The following THRB variants were observed in gnomAD, a reference collection of about 807,000 sequenced individuals.
THRB encodes the protein thyroid hormone receptor beta, also known as nuclear receptor subfamily 1 group A member 2.
A neutral mutation model predicts 47.8 loss-of-function variants in THRB; 12 were observed. The observed-to-expected ratio is 0.25, with a 90% CI of 0.16 to 0.41. THRB has a LOEUF of 0.41. Ranked by LOEUF, THRB falls within the 10% of genes least tolerant of loss-of-function variation. THRB has a pLI of 1.00. For synonymous variants in THRB, 218 were observed against 212.2 expected (o/e 1.03, Z -0.24); for missense variants, 348 against 589.2 (o/e 0.59, Z 4.24).
At chr3:24,388,286 T>C (rs886858061) in intron 1 of THRB, among the ~76,000 whole-genome samples, 1 of 152,156 alleles carries the variant, frequency 6.6e-6, no homozygotes, top group African/African-American at 2.4e-5. Context: ...AGACATTTAC[T>C]GAGACTCCAT....
intron 4 of THRB, among the ~76,000 whole-genome samples, chr3:24,208,041 A>G (rs2045588842): frequency 6.6e-6 from 1 of 152,156 alleles, no homozygotes; most frequent in Non-Finnish European, 1.5e-5. Context: ...AAGCATTCCT[A>G]TACACCAATA....
chr3:24,479,120 A>G (rs2125849808), intron 1 of THRB, among the ~76,000 whole-genome samples: 1 of 152,202 alleles, frequency 6.6e-6, no homozygotes, highest in South Asian at 2.1e-4. Flanking sequence ...AACACGGTGA[A>G]ACCCCGTCTC....
chr3:24,395,970 A>G (rs1211150509), intron 1 of THRB, among the ~76,000 whole-genome samples: 2 of 152,122 alleles, frequency 1.3e-5, no homozygotes, highest in Non-Finnish European at 2.9e-5. Flanking sequence ...GTAGATAAGT[A>G]GTTGCCTAGA....
At chr3:24,144,431 A>T (rs551611074) in intron 7 of THRB, 1 of 152,740 alleles carries the variant, frequency 6.5e-6, no homozygotes, top group East Asian at 1.9e-4. Flanking sequence ...CAAGTTCCTT[A>T]GGTTCTCTGA....
intron 4 of THRB, among the ~76,000 whole-genome samples, chr3:24,191,114 G>GGTCT (rs1482699646): frequency 6.6e-6 from 1 of 151,432 alleles, no homozygotes; most frequent in Non-Finnish European, 1.5e-5. Flanking sequence ...GGGACTTGAG[G>GGTCT]GTCTGGCCTA....
intron 3 of THRB, among the ~76,000 whole-genome samples, chr3:24,244,514 TA>T (rs2049911081): frequency 6.6e-6 from 1 of 152,190 alleles, no homozygotes; most frequent in African/African-American, 2.4e-5. Context: ...TTATTTGGAT[TA>T]AATGGCTTTC....
chr3:24,348,238 A>C (rs1029171951), intron 1 of THRB, among the ~76,000 whole-genome samples: 1 of 152,158 alleles, frequency 6.6e-6, no homozygotes, highest in African/African-American at 2.4e-5. Flanking sequence ...CTGGTCCTTT[A>C]AACGGATGCA....
At chr3:24,284,038 C>T (rs1095481) in intron 3 of THRB, among the ~76,000 whole-genome samples, 59,039 of 110,916 alleles carry the variant, frequency 0.53, 17,166 homozygotes, top group Middle Eastern at 0.78. Context: ...GCCATCCCCA[C>T]CAAGCTACCA....
intron 2 of THRB, among the ~76,000 whole-genome samples, chr3:24,306,306 T>G (rs952659589): frequency 1.3e-5 from 2 of 152,162 alleles, no homozygotes; most frequent in Admixed American, 1.3e-4. Context: ...AGCTCAGATT[T>G]CCTTGCTTCA....
intron 3 of THRB, among the ~76,000 whole-genome samples, chr3:24,238,290 G>C (rs75981189): frequency 0.029 from 3,532 of 123,856 alleles, 325 homozygotes; most frequent in African/African-American, 0.1. Context: ...GGGGGGGGGG[G>C]GGTGTGTGGG....
intron 9 of THRB, among the ~76,000 whole-genome samples, chr3:24,132,201 C>G (rs1408733094): frequency 2.6e-5 from 4 of 152,176 alleles, no homozygotes; most frequent in Admixed American, 1.3e-4. Flanking sequence ...ACTTATCACT[C>G]AGCCTGCTTA....
intron 1 of THRB, among the ~76,000 whole-genome samples, chr3:24,474,693 A>G (rs550408804): frequency 6.6e-5 from 10 of 152,304 alleles, no homozygotes; most frequent in African/African-American, 2.4e-4. Context: ...TTCATTTAAA[A>G]ACAAATCCTC....
chr3:24,331,142 C>G (rs2061902326), intron 2 of THRB, among the ~76,000 whole-genome samples: 1 of 152,000 alleles, frequency 6.6e-6, no homozygotes, highest in Non-Finnish European at 1.5e-5. Flanking sequence ...TACCTGCTGT[C>G]TTATGGCTTA....
At chr3:24,383,185 T>A (rs994946119) in intron 1 of THRB, among the ~76,000 whole-genome samples, 46 of 152,306 alleles carry the variant, frequency 3.0e-4, no homozygotes, top group African/African-American at 9.4e-4. Context: ...TTTTGCTTAA[T>A]ATTGAATCTT....
chr3:24,304,075 G>A (rs1311281126), intron 2 of THRB, among the ~76,000 whole-genome samples: 1 of 151,854 alleles, frequency 6.6e-6, no homozygotes, highest in Non-Finnish European at 1.5e-5. Flanking sequence ...TTCTTGGTCA[G>A]ATTTTAGAAT....
intron 1 of THRB, among the ~76,000 whole-genome samples, chr3:24,366,488 T>C (rs565531395): frequency 1.3e-5 from 2 of 152,262 alleles, no homozygotes; most frequent in East Asian, 3.9e-4. Flanking sequence ...AACCTATCAG[T>C]CTCTCTACTT....
At chr3:24,250,431 T>C (rs904461362) in intron 3 of THRB, among the ~76,000 whole-genome samples, 19 of 152,166 alleles carry the variant, frequency 1.2e-4, no homozygotes, top group African/African-American at 4.6e-4. Flanking sequence ...GCATGGTAAC[T>C]CATGCCTGTA....
chr3:24,237,210 T>TTGGAG (rs2048964017), intron 3 of THRB, among the ~76,000 whole-genome samples: 1 of 152,186 alleles, frequency 6.6e-6, no homozygotes, highest in African/African-American at 2.4e-5. Flanking sequence ...ATTTCTCCAC[T>TTGGAG]GGGTATGGCA....
chr3:24,472,766 C>T (rs933345772), intron 1 of THRB, among the ~76,000 whole-genome samples: 22 of 152,212 alleles, frequency 1.4e-4, no homozygotes, highest in African/African-American at 3.1e-4. Flanking sequence ...CCTTCTCTCA[C>T]AGACAGGTTT....
Sources: gnomAD v4.1 joint callset for allele counts (sites outside exome capture counted in the v4.1 genomes callset) on GRCh38, gnomAD v4.1.1 for gene constraint, MANE v1.5 for transcripts, NCBI Gene and HGNC (gene_info 2026-07-23, HGNC 2026-07-21) for gene names.